The following ADAMTSL1 variants were observed in gnomAD, a reference collection of about 807,000 sequenced individuals.
ADAMTSL1 encodes the protein ADAMTS like 1.
In ADAMTSL1, 126 loss-of-function variants were observed where a neutral mutation model predicts 201.8. The ratio of observed to expected loss-of-function variants is 0.62; its 90% CI spans 0.54 to 0.72. ADAMTSL1 has a LOEUF of 0.72. ADAMTSL1 is among the 30% of genes least tolerant of loss of function. The pLI, the probability that ADAMTSL1 is intolerant of heterozygous loss-of-function variation, is 0.00. For missense variants in ADAMTSL1, 2,679 were observed against 2,277.8 expected, an observed-to-expected ratio of 1.18 and a Z score of -3.59; for synonymous variants, 1,121 against 903.4, an observed-to-expected ratio of 1.24 and a Z score of -4.32.
intron 2 of ADAMTSL1, among the ~76,000 whole-genome samples, chr9:18,449,216 C>T (rs1820313187): frequency 6.6e-6 from 1 of 151,542 alleles, no homozygotes; most frequent in Non-Finnish European, 1.5e-5. Flanking sequence ...TCAAAAATCA[C>T]TTAGTAATTA....
At chr9:18,778,167 G>A (rs892984890) in intron 19 of ADAMTSL1, among the ~76,000 whole-genome samples, 1 of 152,246 alleles carries the variant, frequency 6.6e-6, no homozygotes, top group Non-Finnish European at 1.5e-5. Context: ...ATCCCTGTAG[G>A]ATCCCAAAGA....
At chr9:18,688,689 A>AAATATATATATATATATAT (rs1554730404) in intron 13 of ADAMTSL1, among the ~76,000 whole-genome samples, 1 of 8,652 alleles carries the variant, frequency 1.2e-4, no homozygotes, top group Non-Finnish European at 2.2e-4. Context: ...AAAAAAAAAA[A>AAATATATATATATATATAT]ATATATATAT....
chr9:18,101,430 G>A (rs557549092), intron 1 of ADAMTSL1, among the ~76,000 whole-genome samples: 2 of 151,850 alleles, frequency 1.3e-5, no homozygotes, highest in African/African-American at 4.8e-5. Flanking sequence ...CCCAGGAGGC[G>A]GAGGTTGCAG....
chr9:18,407,099 T>C (rs961125495), intron 2 of ADAMTSL1, among the ~76,000 whole-genome samples: 10 of 152,228 alleles, frequency 6.6e-5, no homozygotes, highest in African/African-American at 2.4e-4. Flanking sequence ...TGCTGTCCAA[T>C]GGAGCCCATA....
intron 2 of ADAMTSL1, among the ~76,000 whole-genome samples, chr9:18,408,056 G>T (rs1818277923): frequency 6.6e-6 from 1 of 152,176 alleles, no homozygotes; most frequent in South Asian, 2.1e-4. Context: ...TGTGATGTTT[G>T]TATCAATTAA....
intron 2 of ADAMTSL1, among the ~76,000 whole-genome samples, chr9:18,292,875 T>C (rs982928978): frequency 9.9e-5 from 15 of 152,202 alleles, no homozygotes; most frequent in Non-Finnish European, 2.1e-4. Context: ...TGGGATTACC[T>C]TGTGATCATG....
chr9:18,726,842 G>A (rs960335158), intron 15 of ADAMTSL1, among the ~76,000 whole-genome samples: 1 of 152,158 alleles, frequency 6.6e-6, no homozygotes, highest in African/African-American at 2.4e-5. Context: ...AGATAAACAG[G>A]GAAGGGAGAA....
intron 2 of ADAMTSL1, among the ~76,000 whole-genome samples, chr9:18,186,221 G>A (rs558702880): frequency 6.6e-6 from 1 of 152,206 alleles, no homozygotes; most frequent in East Asian, 1.9e-4. Context: ...AGATTGTAAG[G>A]TATGAGAGGA....
intron 1 of ADAMTSL1, among the ~76,000 whole-genome samples, chr9:18,131,551 T>G (rs937668447): frequency 6.6e-6 from 1 of 152,188 alleles, no homozygotes; most frequent in African/African-American, 2.4e-5. Flanking sequence ...GATTTCACTT[T>G]GAGCTTCCAA....
intron 2 of ADAMTSL1, among the ~76,000 whole-genome samples, chr9:18,282,265 AGTATTCCAT>A (rs1832819957): frequency 6.6e-6 from 1 of 152,190 alleles, no homozygotes; most frequent in Non-Finnish European, 1.5e-5. Flanking sequence ...ATGGCTGGAT[AGTATTCCAT>A]GGTTTCTATA....
At chr9:18,339,296 C>G (rs1835371840) in intron 2 of ADAMTSL1, among the ~76,000 whole-genome samples, 1 of 152,042 alleles carries the variant, frequency 6.6e-6, no homozygotes, top group Admixed American at 6.6e-5. Context: ...AGGCAAAGGA[C>G]ATGAACAGAC....
intron 2 of ADAMTSL1, among the ~76,000 whole-genome samples, chr9:18,210,231 G>C (rs1474199826): frequency 6.7e-6 from 1 of 150,276 alleles, no homozygotes; most frequent in Non-Finnish European, 1.5e-5. Flanking sequence ...CAAATATAAA[G>C]TATAAATATA....
intron 4 of ADAMTSL1, among the ~76,000 whole-genome samples, chr9:18,607,563 A>G (rs1825103560): frequency 7.2e-6 from 1 of 138,964 alleles, no homozygotes; most frequent in East Asian, 2.5e-4. Context: ...CAGCATTTTC[A>G]TAATTTCTTT....
chr9:17,944,181 G>C (rs547530516), intron 1 of ADAMTSL1, among the ~76,000 whole-genome samples: 30 of 151,990 alleles, frequency 2.0e-4, no homozygotes, highest in African/African-American at 6.3e-4. Context: ...CAGACAAACA[G>C]AGAGCCAAAT....
chr9:17,995,373 A>G (rs1819327981), intron 1 of ADAMTSL1, among the ~76,000 whole-genome samples: 1 of 152,156 alleles, frequency 6.6e-6, no homozygotes, highest in South Asian at 2.1e-4. Flanking sequence ...TGCTACTAAG[A>G]AAAATGCTGC....
intron 2 of ADAMTSL1, among the ~76,000 whole-genome samples, chr9:18,304,296 C>T (rs1330291877): frequency 2.6e-5 from 4 of 152,018 alleles, no homozygotes; most frequent in Non-Finnish European, 5.9e-5. Flanking sequence ...CACTCCTGCC[C>T]CTACCCTCAA....
At chr9:18,064,126 T>C (rs547784238) in intron 1 of ADAMTSL1, among the ~76,000 whole-genome samples, 8 of 151,836 alleles carry the variant, frequency 5.3e-5, no homozygotes, top group Non-Finnish European at 1.0e-4. Flanking sequence ...AGCAAGCAAA[T>C]TGTAGATCTG....
At chr9:18,790,779 G>C (rs761532209) in intron 19 of ADAMTSL1, among the ~76,000 whole-genome samples, 3 of 152,158 alleles carry the variant, frequency 2.0e-5, no homozygotes, top group Non-Finnish European at 2.9e-5. Flanking sequence ...TTTCTGGCTA[G>C]AAGTAGGGTC....
At chr9:18,129,182 A>G (rs73645720) in intron 1 of ADAMTSL1, among the ~76,000 whole-genome samples, 5,185 of 152,296 alleles carry the variant, frequency 0.034, 324 homozygotes, top group African/African-American at 0.12. Context: ...TGCTAAATAT[A>G]TCTTTGCCTC....
Sources: allele counts gnomAD v4.1 joint callset (sites outside exome capture counted in the v4.1 genomes callset), GRCh38; gene constraint gnomAD v4.1.1; transcripts MANE v1.5; gene names NCBI Gene and HGNC (gene_info 2026-07-23, HGNC 2026-07-21).